DLG2: variants seen among roughly 807,000 people sequenced by gnomAD.
DLG2 encodes the protein discs large MAGUK scaffold protein 2.
A neutral mutation model predicts 132.5 loss-of-function variants in DLG2; 45 were observed. That is an observed-to-expected ratio of 0.34 (90% CI 0.27 to 0.44). The LOEUF is 0.44. Ranked by LOEUF, DLG2 falls within the 20% of genes least tolerant of loss-of-function variation. The pLI is 1.00. For missense variants in DLG2, 1,045 were observed against 1,196.9 expected (o/e 0.87, Z 1.87); for synonymous variants, 424 against 419.6 (o/e 1.01, Z -0.13).
At chr11:84,737,554 T>C (rs745443209) in intron 6 of DLG2, among the ~76,000 whole-genome samples, 1 of 151,572 alleles carries the variant, frequency 6.6e-6, no homozygotes, top group Non-Finnish European at 1.5e-5. Context: ...TTTTTGTGTG[T>C]GGGAAGGTTT....
chr11:85,537,660 T>A (rs992414254), intron 3 of DLG2, among the ~76,000 whole-genome samples: 1 of 151,348 alleles, frequency 6.6e-6, no homozygotes, highest in Non-Finnish European at 1.5e-5. Context: ...CCAGAAGGAA[T>A]GAACAACTCC....
chr11:83,937,550 A>T (rs909025783), intron 14 of DLG2, among the ~76,000 whole-genome samples: 1 of 151,912 alleles, frequency 6.6e-6, no homozygotes, highest in African/African-American at 2.4e-5. Flanking sequence ...CTGAAGCAAG[A>T]ACTCATAAAC....
At chr11:84,527,474 C>T (rs1201553155) in intron 7 of DLG2, among the ~76,000 whole-genome samples, 1 of 152,138 alleles carries the variant, frequency 6.6e-6, no homozygotes, top group Non-Finnish European at 1.5e-5. Flanking sequence ...TCTATATATA[C>T]TCAACAAGTG....
At chr11:84,080,682 T>C (rs958343349) in intron 10 of DLG2, among the ~76,000 whole-genome samples, 4 of 152,152 alleles carry the variant, frequency 2.6e-5, no homozygotes, top group African/African-American at 9.7e-5. Flanking sequence ...TTTCAATTCA[T>C]TGTTTTCTGA....
At chr11:84,837,793 T>C (rs1489468762) in intron 6 of DLG2, among the ~76,000 whole-genome samples, 1 of 151,820 alleles carries the variant, frequency 6.6e-6, no homozygotes, top group Non-Finnish European at 1.5e-5. Flanking sequence ...AAAACACTCA[T>C]TCCGCAATCT....
At chr11:85,511,115 C>T (rs1214421472) in intron 3 of DLG2, among the ~76,000 whole-genome samples, 3 of 152,024 alleles carry the variant, frequency 2.0e-5, no homozygotes, top group South Asian at 2.1e-4. Flanking sequence ...AGCAAACTAT[C>T]GCAAGGACAA....
intron 3 of DLG2, among the ~76,000 whole-genome samples, chr11:85,422,754 G>A (rs1297236044): frequency 1.3e-5 from 2 of 151,948 alleles, no homozygotes; most frequent in African/African-American, 4.8e-5. Context: ...GCCTCCCAAG[G>A]TTCTAGGACT....
intron 7 of DLG2, among the ~76,000 whole-genome samples, chr11:84,463,941 C>T (rs1221918491): frequency 6.6e-6 from 1 of 151,268 alleles, no homozygotes; most frequent in Non-Finnish European, 1.5e-5. Context: ...TTGCCCTCCA[C>T]TTCGGGCATA....
At chr11:85,063,032 G>A (rs1210062454) in intron 6 of DLG2, among the ~76,000 whole-genome samples, 6 of 151,762 alleles carry the variant, frequency 4.0e-5, no homozygotes, top group Admixed American at 2.0e-4. Context: ...GTACTAAGAC[G>A]GTGATAACTT....
At chr11:83,596,714 C>T (rs2057649782) in intron 19 of DLG2, among the ~76,000 whole-genome samples, 1 of 152,158 alleles carries the variant, frequency 6.6e-6, no homozygotes, top group Admixed American at 6.6e-5. Context: ...CTGCAGTTTC[C>T]ACGTTTTAAT....
At chr11:84,928,530 G>T (rs542218590) in intron 6 of DLG2, among the ~76,000 whole-genome samples, 7 of 151,890 alleles carry the variant, frequency 4.6e-5, no homozygotes, top group Non-Finnish European at 8.8e-5. Context: ...TAGAGGTAAA[G>T]GTGAAGGTAA....
chr11:84,031,251 G>C (rs529605990), intron 11 of DLG2, among the ~76,000 whole-genome samples: 3 of 146,050 alleles, frequency 2.1e-5, no homozygotes, highest in African/African-American at 7.6e-5. Flanking sequence ...AAAAAAAAAT[G>C]AATATAGGAA....
chr11:84,518,953 T>G (rs936775194), intron 7 of DLG2, among the ~76,000 whole-genome samples: 8 of 152,092 alleles, frequency 5.3e-5, no homozygotes, highest in Non-Finnish European at 1.2e-4. Flanking sequence ...GTCTGCTCAG[T>G]AGATTAGTAA....
intron 18 of DLG2, among the ~76,000 whole-genome samples, chr11:83,715,606 T>G (rs2086508060): frequency 6.6e-6 from 1 of 152,212 alleles, no homozygotes; most frequent in African/African-American, 2.4e-5. Context: ...AAAATTGATC[T>G]TGTCCCTTTC....
At chr11:84,138,988 C>T (rs1293517060) in intron 9 of DLG2, among the ~76,000 whole-genome samples, 1 of 150,944 alleles carries the variant, frequency 6.6e-6, no homozygotes, top group Non-Finnish European at 1.5e-5. Context: ...TAACAACTGG[C>T]CAATGGAAAA....
rs937928468 is a variant in DLG2 at position 85,419,722 on chromosome 11, C to T, written c.41-134357G>A. Reference sequence around the variant, plus strand: ...TATCATCTCTTCCACTTGATCAACTCGGCTATTGATACTTGCATATGCTTC... The same window carrying T: ...TATCATCTCTTCCACTTGATCAACTTGGCTATTGATACTTGCATATGCTTC... On this transcript the variant is annotated intron_variant, in intron 3 of 27. Transcript: ENST00000376104. Among the ~76,000 whole-genome samples, 15 of 152,290 alleles carry T rather than the reference C, an allele frequency of 9.8e-5. No homozygotes were observed. In the East Asian group the frequency reaches 1.9e-3, roughly 20 times the overall value.
intron 7 of DLG2, among the ~76,000 whole-genome samples, chr11:84,269,262 GT>G (rs1288668400): frequency 1.3e-5 from 2 of 152,156 alleles, no homozygotes; most frequent in Non-Finnish European, 2.9e-5. Context: ...ATTATTAGAT[GT>G]TCCAGGCATA....
chr11:85,198,887 C>A (rs368261814), intron 4 of DLG2, among the ~76,000 whole-genome samples: 7 of 152,176 alleles, frequency 4.6e-5, no homozygotes, highest in South Asian at 2.1e-4. Flanking sequence ...GGGCTCCGTG[C>A]TTTTGTACCT....
chr11:85,321,953 G>C (rs1046626362), intron 3 of DLG2, among the ~76,000 whole-genome samples: 5 of 152,004 alleles, frequency 3.3e-5, no homozygotes, highest in Non-Finnish European at 5.9e-5. Flanking sequence ...GAGAAAAAAG[G>C]GATCGATGTT....
Sources: gnomAD v4.1 joint callset for allele counts (sites outside exome capture counted in the v4.1 genomes callset) on GRCh38, gnomAD v4.1.1 for gene constraint, MANE v1.5 for transcripts, NCBI Gene and HGNC (gene_info 2026-07-23, HGNC 2026-07-21) for gene names.